Variants in CNTN1 observed in about 807,000 individuals in gnomAD.
CNTN1 encodes contactin-1.
Under a neutral mutation model 126.4 loss-of-function variants are expected in CNTN1, and 38 were observed. That is an observed-to-expected ratio of 0.30 (90% CI 0.23 to 0.39). The LOEUF (loss-of-function observed/expected upper bound fraction) is 0.39, where lower values mean the gene tolerates loss of function less well. Ranked by LOEUF, CNTN1 falls within the 10% of genes least tolerant of loss-of-function variation. The pLI, the probability that CNTN1 is intolerant of heterozygous loss-of-function variation, is 1.00. For missense variants in CNTN1, 1,009 were observed against 1,248.4 expected (o/e 0.81, Z 2.89); for synonymous variants, 413 against 422.6 (o/e 0.98, Z 0.28).
intron 23 of CNTN1, among the ~76,000 whole-genome samples, chr12:41,057,425 G>C (rs1949850926): frequency 6.6e-6 from 1 of 151,592 alleles, no homozygotes; most frequent in Non-Finnish European, 1.5e-5. Context: ...CCCTTTACAA[G>C]GAAAATATTA....
intron 23 of CNTN1, among the ~76,000 whole-genome samples, chr12:41,032,484 A>G (rs564679154): frequency 5.3e-5 from 8 of 152,178 alleles, no homozygotes; most frequent in South Asian, 2.1e-4. Flanking sequence ...TCTCATCTCA[A>G]TTAAGTGCTT....
At chr12:40,761,998 T>A (rs1289336193) in intron 1 of CNTN1, among the ~76,000 whole-genome samples, 1 of 152,196 alleles carries the variant, frequency 6.6e-6, no homozygotes, top group Non-Finnish European at 1.5e-5. Context: ...GGGACACTTC[T>A]ACAATACACA....
intron 1 of CNTN1, among the ~76,000 whole-genome samples, chr12:40,896,513 C>G (rs7973383): frequency 0.014 from 2,098 of 152,234 alleles, 39 homozygotes; most frequent in African/African-American, 0.048. Flanking sequence ...GCCTCACTGC[C>G]TTTTGATAAT....
intron 1 of CNTN1, among the ~76,000 whole-genome samples, chr12:40,699,646 T>C (rs1045506679): frequency 1.3e-5 from 2 of 152,262 alleles, no homozygotes; most frequent in Admixed American, 6.5e-5. Context: ...AGGTCTTCCA[T>C]TGGTGTCATC....
intron 16 of CNTN1, among the ~76,000 whole-genome samples, chr12:40,992,092 A>G (rs1477667161): frequency 2.6e-5 from 4 of 152,204 alleles, no homozygotes; most frequent in Non-Finnish European, 4.4e-5. Context: ...GAAAATTTTA[A>G]TCAGAAAGTC....
intron 12 of CNTN1, among the ~76,000 whole-genome samples, 158 bp downstream of exon 12, chr12:40,939,643 C>T (rs1946197625): frequency 6.6e-6 from 1 of 151,852 alleles, no homozygotes. Context: ...AATACCTATC[C>T]CTGTCAGTAT....
chr12:40,764,917 A>T (rs1455588483), intron 1 of CNTN1, among the ~76,000 whole-genome samples: 7 of 152,174 alleles, frequency 4.6e-5, no homozygotes, highest in Non-Finnish European at 1.0e-4. Flanking sequence ...TTGGTTTATG[A>T]TTTCAAATTA....
In CNTN1 at chr12:40,924,424, A is replaced by T. The variant is rs1021500295; in HGVS notation, c.401-133A>T. The T allele has an allele frequency of 2.4e-5, 16 of 672,398 alleles. No homozygotes were observed. The African/African-American group carries it at 2.7e-4, about 11-fold the overall frequency. The allele number at this position is 672,398 out of a possible 1,614,324, so 41.7% of individuals were successfully genotyped here. On this transcript the variant is annotated intron_variant, in intron 5 of 23. Coordinates refer to ENST00000551295, the MANE Select transcript of CNTN1 (RefSeq NM_001843.4). ...AATGTAAGAACGAGGAGCTGACTTT[A>T]CTAGGCTTCACCAAACCACTGAGAA...
chr12:40,962,516 T>C (rs1014585190), intron 15 of CNTN1, among the ~76,000 whole-genome samples: 3 of 152,106 alleles, frequency 2.0e-5, no homozygotes, highest in African/African-American at 7.2e-5. Flanking sequence ...CATGGGGCCT[T>C]TTACTGAGAG....
chr12:40,700,942 C>T (rs965759894), intron 1 of CNTN1, among the ~76,000 whole-genome samples: 12 of 152,138 alleles, frequency 7.9e-5, no homozygotes, highest in Non-Finnish European at 1.2e-4. Context: ...TTTATTATTC[C>T]GATTTTGCAG....
chr12:40,924,500 G>A (rs1036575014), intron 5 of CNTN1, 57 bp from the exon 6 acceptor site: 6 of 905,904 alleles, frequency 6.6e-6, no homozygotes, highest in Non-Finnish European at 1.1e-5. Context: ...ATTGATGAAT[G>A]TCTCTCTTTC....
chr12:40,975,521 C>T (rs1947649836), intron 15 of CNTN1, among the ~76,000 whole-genome samples: 1 of 151,944 alleles, frequency 6.6e-6, no homozygotes, highest in Non-Finnish European at 1.5e-5. Flanking sequence ...AGAAACATAA[C>T]ACTAACAAGG....
intron 1 of CNTN1, among the ~76,000 whole-genome samples, chr12:40,796,263 C>A (rs927074208): frequency 2.6e-5 from 4 of 152,014 alleles, no homozygotes; most frequent in African/African-American, 9.7e-5. Context: ...CTCTAAGAAA[C>A]ATTAAAGCAA....
At chr12:40,810,125 A>G (rs1941002676) in intron 1 of CNTN1, among the ~76,000 whole-genome samples, 1 of 152,150 alleles carries the variant, frequency 6.6e-6, no homozygotes, top group Non-Finnish European at 1.5e-5. Flanking sequence ...AAAGTCCATA[A>G]ATGAAGCCTG....
intron 18 of CNTN1, among the ~76,000 whole-genome samples, chr12:41,014,873 T>C (rs1948743726): frequency 6.6e-6 from 1 of 152,072 alleles, no homozygotes; most frequent in Non-Finnish European, 1.5e-5. Flanking sequence ...ATTTTTGAAA[T>C]AGGAAAGATA....
chr12:40,929,697 T>A (rs1186568670), intron 6 of CNTN1, 99 bp from the exon 7 acceptor site: 1 of 878,220 alleles, frequency 1.1e-6, no homozygotes, highest in Non-Finnish European at 1.8e-6. Context: ...CACAATAGCC[T>A]TTATTAGATT....
intron 1 of CNTN1, among the ~76,000 whole-genome samples, chr12:40,711,779 A>T (rs1037108048): frequency 6.6e-6 from 1 of 151,942 alleles, no homozygotes; most frequent in African/African-American, 2.4e-5. Context: ...TGGTATAATT[A>T]ATAGCTCACC....
intron 17 of CNTN1, among the ~76,000 whole-genome samples, chr12:41,005,450 C>A (rs1176608887): frequency 6.7e-6 from 1 of 150,224 alleles, no homozygotes; most frequent in Non-Finnish European, 1.5e-5. Context: ...TGGTTCTCTG[C>A]ATTTTCTGAG....
At chr12:40,965,988 CCT>C (rs1566053980) in intron 15 of CNTN1, among the ~76,000 whole-genome samples, 127 of 145,402 alleles carry the variant, frequency 8.7e-4, no homozygotes, top group African/African-American at 3.3e-3. Context: ...AGTATACACA[CCT>C]CATCACACCA....
Sources: gnomAD v4.1 joint callset for allele counts (sites outside exome capture counted in the v4.1 genomes callset) on GRCh38, gnomAD v4.1.1 for gene constraint, MANE v1.5 for transcripts, NCBI Gene and HGNC (gene_info 2026-07-23, HGNC 2026-07-21) for gene names.